The following DGKB variants were observed in gnomAD, a reference collection of about 807,000 sequenced individuals.
DGKB encodes 90 kDa diacylglycerol kinase.
In DGKB, 67 loss-of-function variants were observed where a neutral mutation model predicts 114.3. That is an observed-to-expected ratio of 0.59 (90% confidence interval 0.48 to 0.72). DGKB has a LOEUF of 0.72. DGKB is among the 30% of genes least tolerant of loss of function. DGKB has a pLI of 0.00. For missense variants in DGKB, 907 were observed against 975.2 expected (o/e 0.93, Z 0.93); for synonymous variants, 398 against 323.1 (o/e 1.23, Z -2.49).
At chr7:14,711,206 T>G (rs1827300362) in intron 6 of DGKB, among the ~76,000 whole-genome samples, 1 of 152,070 alleles carries the variant, frequency 6.6e-6, no homozygotes, top group African/African-American at 2.4e-5. Flanking sequence ...GAGTTAATGC[T>G]CTATAAATCC....
At chr7:14,358,459 C>G (rs764510032) in intron 21 of DGKB, among the ~76,000 whole-genome samples, 3 of 152,042 alleles carry the variant, frequency 2.0e-5, no homozygotes, top group Admixed American at 1.3e-4. Context: ...AAAGTCTTCT[C>G]TGCATTGCTT....
At chr7:14,206,113 C>T (rs974373858) in intron 23 of DGKB, among the ~76,000 whole-genome samples, 4 of 152,052 alleles carry the variant, frequency 2.6e-5, no homozygotes, top group Non-Finnish European at 5.9e-5. Context: ...ATGAGCTATA[C>T]AGACATAATA....
intron 20 of DGKB, among the ~76,000 whole-genome samples, chr7:14,505,719 A>T (rs1208042788): frequency 6.6e-6 from 1 of 152,194 alleles, no homozygotes; most frequent in Admixed American, 6.5e-5. Flanking sequence ...GACCTTCCTC[A>T]AGAAGATATG....
At chr7:14,274,644 G>GAAGT (rs1798734831) in intron 23 of DGKB, among the ~76,000 whole-genome samples, 1 of 152,138 alleles carries the variant, frequency 6.6e-6, no homozygotes, top group Admixed American at 6.6e-5. Flanking sequence ...AGAAGGCTGG[G>GAAGT]AAGTCCAAGA....
chr7:14,719,331 C>G (rs1315058444), intron 5 of DGKB, among the ~76,000 whole-genome samples: 1 of 151,996 alleles, frequency 6.6e-6, no homozygotes, highest in Non-Finnish European at 1.5e-5. Flanking sequence ...ATTTCTGAAA[C>G]CCATTATCTG....
At chr7:14,379,401 T>G (rs897201797) in intron 21 of DGKB, among the ~76,000 whole-genome samples, 21 of 130,720 alleles carry the variant, frequency 1.6e-4, no homozygotes, top group African/African-American at 6.8e-4. Flanking sequence ...ATTATGGAGT[T>G]TTTTTTTTTT....
chr7:14,800,194 G>T (rs563861910), intron 2 of DGKB, among the ~76,000 whole-genome samples: 1 of 152,304 alleles, frequency 6.6e-6, no homozygotes, highest in Non-Finnish European at 1.5e-5. Flanking sequence ...GGAATTACAG[G>T]CGTGAGCCAC....
At chr7:14,354,691 T>C (rs1400268805) in intron 21 of DGKB, among the ~76,000 whole-genome samples, 1 of 152,216 alleles carries the variant, frequency 6.6e-6, no homozygotes, top group Non-Finnish European at 1.5e-5. Flanking sequence ...AAGGTTCTTT[T>C]GCTGAAATTC....
intron 20 of DGKB, among the ~76,000 whole-genome samples, chr7:14,518,212 C>G (rs536742742): frequency 1.1e-4 from 16 of 152,134 alleles, no homozygotes; most frequent in Admixed American, 5.9e-4. Flanking sequence ...AACACATGAC[C>G]AGAAAACAAA....
intron 23 of DGKB, among the ~76,000 whole-genome samples, chr7:14,212,088 GAT>G (rs1788060143): frequency 2.4e-4 from 1 of 4,144 alleles, no homozygotes; most frequent in African/African-American, 8.0e-4. Flanking sequence ...CATGTTTTGT[GAT>G]TTTACTCTCA....
intron 23 of DGKB, among the ~76,000 whole-genome samples, chr7:14,280,467 C>G (rs1224569968): frequency 2.0e-5 from 3 of 151,442 alleles, no homozygotes; most frequent in Admixed American, 1.3e-4. Flanking sequence ...TTTCCCCAAT[C>G]TAGCAAGGCA....
chr7:14,543,417 C>T (rs192844158), intron 20 of DGKB, among the ~76,000 whole-genome samples: 40 of 151,624 alleles, frequency 2.6e-4, no homozygotes, highest in African/African-American at 7.7e-4. Context: ...TGCACTCCAG[C>T]GTGGACGACA....
intron 9 of DGKB, among the ~76,000 whole-genome samples, chr7:14,690,026 A>C (rs1274409579): frequency 1.3e-5 from 2 of 152,204 alleles, no homozygotes; most frequent in Non-Finnish European, 2.9e-5. Context: ...TGCAGGCTAG[A>C]TGTGGGTACA....
At chr7:14,972,761 C>T (rs983931249) in intron 1 of DGKB, among the ~76,000 whole-genome samples, 11 of 151,680 alleles carry the variant, frequency 7.3e-5, no homozygotes, top group Admixed American at 7.2e-4. Context: ...TTGTTTGCCT[C>T]TTTCAAAATT....
chr7:14,591,540 TTC>T (rs1563614399), intron 17 of DGKB, among the ~76,000 whole-genome samples: 7 of 151,308 alleles, frequency 4.6e-5, no homozygotes, highest in African/African-American at 9.7e-5. Context: ...TGTCAGACAC[TTC>T]TTTTTTTATC....
intron 21 of DGKB, among the ~76,000 whole-genome samples, chr7:14,450,978 G>T (rs892682666): frequency 2.6e-5 from 4 of 152,012 alleles, no homozygotes; most frequent in African/African-American, 7.2e-5. Context: ...TCAGTCAGAT[G>T]CCCAAAATAT....
chr7:14,957,156 T>TA (rs975737394), intron 1 of DGKB, among the ~76,000 whole-genome samples: 5 of 151,950 alleles, frequency 3.3e-5, no homozygotes, highest in South Asian at 4.1e-4. Flanking sequence ...AAAAAGGGCA[T>TA]AAAAAATCTT....
intron 21 of DGKB, among the ~76,000 whole-genome samples, chr7:14,440,504 T>C (rs560969558): frequency 6.6e-5 from 10 of 152,310 alleles, no homozygotes; most frequent in African/African-American, 1.7e-4. Flanking sequence ...GTATTTATTT[T>C]GTAGTCTGTT....
chr7:14,934,795 C>T (rs975674858), intron 1 of DGKB, among the ~76,000 whole-genome samples: 8 of 152,142 alleles, frequency 5.3e-5, no homozygotes, highest in African/African-American at 1.2e-4. Flanking sequence ...AATCAATCCC[C>T]TAACTTGATT....
Sources: gnomAD v4.1 joint callset for allele counts (sites outside exome capture counted in the v4.1 genomes callset) on GRCh38, gnomAD v4.1.1 for gene constraint, MANE v1.5 for transcripts, NCBI Gene and HGNC (gene_info 2026-07-23, HGNC 2026-07-21) for gene names.